The following CHRM3 variants were observed in gnomAD, a reference collection of about 807,000 sequenced individuals.
The protein encoded by CHRM3 is cholinergic receptor muscarinic 3.
Under a neutral mutation model 41.8 loss-of-function variants are expected in CHRM3, and 11 were observed. The observed-to-expected ratio is 0.26, with a 90% CI of 0.17 to 0.44. The LOEUF (loss-of-function observed/expected upper bound fraction) is 0.44, where lower values mean the gene tolerates loss of function less well. Among genes scored for constraint, CHRM3 ranks in the 20% least tolerant of loss-of-function variants. The pLI is 1.00. For missense variants in CHRM3, 571 were observed against 745.4 expected (o/e 0.77, Z 2.72); for synonymous variants, 297 against 301.4 (o/e 0.99, Z 0.15).
intron 5 of CHRM3, among the ~76,000 whole-genome samples, chr1:239,787,564 G>A (rs1174050946): frequency 4.6e-5 from 7 of 152,060 alleles, no homozygotes; most frequent in Admixed American, 4.6e-4. Context: ...CATGAGACTC[G>A]GCAATTCAAA....
At chr1:239,652,037 A>T (rs1270615266) in intron 4 of CHRM3, among the ~76,000 whole-genome samples, 1 of 150,446 alleles carries the variant, frequency 6.6e-6, no homozygotes, top group East Asian at 2.0e-4. Flanking sequence ...ATGCAAGGCC[A>T]CAAGTTATGC....
intron 3 of CHRM3, among the ~76,000 whole-genome samples, chr1:239,548,826 A>G (rs1042856233): frequency 1.3e-5 from 2 of 152,212 alleles, no homozygotes; most frequent in Non-Finnish European, 2.9e-5. Flanking sequence ...GAAGTCTCGT[A>G]TTAGGATTTA....
chr1:239,684,550 A>C (rs549163365), intron 5 of CHRM3, among the ~76,000 whole-genome samples: 1 of 151,556 alleles, frequency 6.6e-6, no homozygotes, highest in Non-Finnish European at 1.5e-5. Flanking sequence ...CAAAAAAATT[A>C]GCCGGGCATG....
At chr1:239,420,917 G>A (rs983196759) in intron 1 of CHRM3, among the ~76,000 whole-genome samples, 1 of 152,018 alleles carries the variant, frequency 6.6e-6, no homozygotes, top group African/African-American at 2.4e-5. Flanking sequence ...AGGTGTGCTG[G>A]TCATTTCATA....
intron 5 of CHRM3, among the ~76,000 whole-genome samples, chr1:239,799,306 A>G (rs1221465787): frequency 1.3e-5 from 2 of 152,142 alleles, no homozygotes; most frequent in Non-Finnish European, 2.9e-5. Context: ...GCCTGTGGGA[A>G]AGACAGGTGG....
At chr1:239,667,354 G>T (rs1673912424) in intron 4 of CHRM3, among the ~76,000 whole-genome samples, 1 of 152,140 alleles carries the variant, frequency 6.6e-6, no homozygotes, top group Non-Finnish European at 1.5e-5. Context: ...TGAGACGTCT[G>T]GTCCAATGTC....
intron 1 of CHRM3, among the ~76,000 whole-genome samples, chr1:239,439,995 C>T (rs550923705): frequency 2.0e-5 from 3 of 151,250 alleles, no homozygotes; most frequent in South Asian, 2.1e-4. Context: ...GTTAGGAGTT[C>T]GAGACTAGCC....
rs1169818806 is a variant in CHRM3, at chr1:239,699,405, G to A, written c.-147+21117G>A. On this transcript the variant is annotated intron_variant, in intron 5 of 6. Coordinates refer to ENST00000676153, the MANE Select transcript of CHRM3 (RefSeq NM_001375978.1). ...TAAGAAGAGATAGCTATCTCTCTTT[G>A]TCTTTTCCTTCACACTTGCACAAAG... Among the ~76,000 whole-genome samples, 3 of 152,162 alleles carry A rather than the reference G, an allele frequency of 2.0e-5. No homozygotes were observed. The East Asian group carries it at 5.8e-4, about 29-fold the overall frequency.
At chr1:239,657,624 TA>T (rs1328235749) in intron 4 of CHRM3, among the ~76,000 whole-genome samples, 1 of 152,254 alleles carries the variant, frequency 6.6e-6, no homozygotes, top group African/African-American at 2.4e-5. Flanking sequence ...ATTGCCTTTT[TA>T]TATTCTGACA....
chr1:239,716,381 G>A (rs988436320), intron 5 of CHRM3, among the ~76,000 whole-genome samples: 1 of 152,086 alleles, frequency 6.6e-6, no homozygotes, highest in African/African-American at 2.4e-5. Context: ...ACTGGCTGAA[G>A]CAGAGTGGAG....
intron 1 of CHRM3, among the ~76,000 whole-genome samples, chr1:239,423,732 A>G (rs981440452): frequency 6.6e-6 from 1 of 152,178 alleles, no homozygotes; most frequent in Non-Finnish European, 1.5e-5. Flanking sequence ...AAAGAAATAC[A>G]TATTATTATC....
chr1:239,481,798 A>G (rs1666871947), intron 1 of CHRM3, among the ~76,000 whole-genome samples: 1 of 152,158 alleles, frequency 6.6e-6, no homozygotes. Context: ...TGGTACCCAC[A>G]GAGATGGAGA....
chr1:239,446,823 G>A (rs916541324), intron 1 of CHRM3, among the ~76,000 whole-genome samples: 3 of 152,122 alleles, frequency 2.0e-5, no homozygotes, highest in African/African-American at 7.2e-5. Context: ...TTAGAAGTGG[G>A]GAGTGGTTAG....
At chr1:239,495,182 T>A (rs1667801954) in intron 2 of CHRM3, among the ~76,000 whole-genome samples, 3 of 152,152 alleles carry the variant, frequency 2.0e-5, no homozygotes, top group Non-Finnish European at 4.4e-5. Context: ...GGTTCAAGTG[T>A]TTGGTTGCTT....
chr1:239,804,898 C>T (rs377627256), intron 5 of CHRM3, among the ~76,000 whole-genome samples: 4 of 152,150 alleles, frequency 2.6e-5, no homozygotes, highest in South Asian at 2.1e-4. Context: ...TTAAAATGTT[C>T]GCTTTTATCA....
At chr1:239,473,348 T>G (rs1335796748) in intron 1 of CHRM3, among the ~76,000 whole-genome samples, 1 of 148,192 alleles carries the variant, frequency 6.7e-6, no homozygotes, top group Non-Finnish European at 1.5e-5. Flanking sequence ...ATAACCAAAC[T>G]AGATTGGCAT....
intron 5 of CHRM3, among the ~76,000 whole-genome samples, chr1:239,684,716 A>AGAAAG (rs769270946): frequency 3.4e-4 from 39 of 113,442 alleles, no homozygotes; most frequent in African/African-American, 1.1e-3. Flanking sequence ...AGAGGAAAGA[A>AGAAAG]GAAAGGAAAG....
At chr1:239,437,271 A>C (rs1032074871) in intron 1 of CHRM3, among the ~76,000 whole-genome samples, 2 of 151,946 alleles carry the variant, frequency 1.3e-5, no homozygotes, top group South Asian at 4.2e-4. Context: ...ATGCCATTAT[A>C]TCTTGCTTTT....
At chr1:239,809,549 G>T (rs1670946410) in intron 5 of CHRM3, among the ~76,000 whole-genome samples, 1 of 151,978 alleles carries the variant, frequency 6.6e-6, no homozygotes, top group East Asian at 1.9e-4. Flanking sequence ...CCAGGCTGGA[G>T]TGCAGTGACA....
Sources: gnomAD v4.1 joint callset for allele counts (sites outside exome capture counted in the v4.1 genomes callset) on GRCh38, gnomAD v4.1.1 for gene constraint, MANE v1.5 for transcripts, NCBI Gene and HGNC (gene_info 2026-07-23, HGNC 2026-07-21) for gene names.